The following SGPP1 variants were observed in gnomAD, a reference collection of about 807,000 sequenced individuals.
SGPP1 encodes hSPP1.
A neutral mutation model predicts 33.0 loss-of-function variants in SGPP1; 21 were observed. That is an observed-to-expected ratio of 0.64 (90% confidence interval 0.45 to 0.92). SGPP1 has a LOEUF of 0.92. Ranked by LOEUF, SGPP1 falls within the 40% of genes least tolerant of loss-of-function variation. The probability of loss-of-function intolerance (pLI) is 0.00; values close to 1 mark genes in which losing one functional copy is unlikely to be tolerated. For missense variants in SGPP1, 543 were observed against 589.4 expected, an observed-to-expected ratio of 0.92 and a Z score of 0.81; for synonymous variants, 239 against 241.2, an observed-to-expected ratio of 0.99 and a Z score of 0.08.
At chr14:63,710,271 T>C (rs188921153) in intron 1 of SGPP1, among the ~76,000 whole-genome samples, 6 of 152,348 alleles carry the variant, frequency 3.9e-5, no homozygotes, top group Admixed American at 3.9e-4. Context: ...GCTAGAATTC[T>C]ATACTAAGGA....
At position 63,727,895 on chromosome 14, in the gene SGPP1, G is replaced by T; in HGVS notation, c.50C>A (p.Pro17Gln). 1 of 1,534,580 alleles carries T rather than the reference G, an allele frequency of 6.5e-7. No individual in the cohort carries two copies. Among genetic ancestry groups the T allele is most frequent in the African/African-American group, 1.4e-5 (1 of 71,292 alleles). Residue 17 changes from proline to glutamine, a missense_variant, in exon 1 of 3, where the codon CCG becomes CAG. By Grantham distance (76) the Pro-to-Gln change is moderately conservative (BLOSUM62 -1). Transcript: ENST00000247225. ...CCGCTGGAAACGGGCCACTTTCTGC[G>T]GGTCCTGCAGACGGCCAACCAGCTG... ...LAQLVGRLQD[P>Q]QKVARFQRLC...
At chr14:63,715,600 A>C (rs1366854267) in intron 1 of SGPP1, among the ~76,000 whole-genome samples, 1 of 152,154 alleles carries the variant, frequency 6.6e-6, no homozygotes, top group East Asian at 1.9e-4. Flanking sequence ...TCCAGGCTGT[A>C]GCACAGGAGG....
intron 1 of SGPP1, among the ~76,000 whole-genome samples, chr14:63,705,152 A>G (rs1885382325): frequency 6.6e-6 from 1 of 150,716 alleles, no homozygotes; most frequent in Admixed American, 6.7e-5. Context: ...AAACAAAACA[A>G]AACACTCATG....
At chr14:63,719,480 T>C (rs908486506) in intron 1 of SGPP1, among the ~76,000 whole-genome samples, 1 of 152,040 alleles carries the variant, frequency 6.6e-6, no homozygotes, top group Non-Finnish European at 1.5e-5. Flanking sequence ...CTGTTAAAAT[T>C]TAAATGCCTA....
At chr14:63,714,955 T>A (rs1359365074) in intron 1 of SGPP1, among the ~76,000 whole-genome samples, 1 of 151,608 alleles carries the variant, frequency 6.6e-6, no homozygotes, top group African/African-American at 2.4e-5. Context: ...TATCCTGAGC[T>A]GAAGAGATCC....
chr14:63,715,333 G>A (rs1885601836), intron 1 of SGPP1, among the ~76,000 whole-genome samples: 1 of 152,088 alleles, frequency 6.6e-6, no homozygotes, highest in African/African-American at 2.4e-5. Flanking sequence ...TATGAATACA[G>A]TTCATCTGCT....
At chr14:63,688,315 CAAAAAAAAAAAAA>C (rs71120275) in intron 2 of SGPP1, among the ~76,000 whole-genome samples, 3 of 31,416 alleles carry the variant, frequency 9.5e-5, no homozygotes, top group South Asian at 1.1e-3. Context: ...GACTCTGTCT[CAAAAAAAAAAAAA>C]AAAAAAAAAA....
At chr14:63,697,239 C>T (rs1885205276) in intron 2 of SGPP1, among the ~76,000 whole-genome samples, 2 of 152,008 alleles carry the variant, frequency 1.3e-5, no homozygotes, top group Admixed American at 1.3e-4. Flanking sequence ...ACACTGCCTC[C>T]CAACAAAATA....
At position 63,685,792 on chromosome 14, in the gene SGPP1, G is replaced by A. The variant is rs1884959031; in HGVS notation, c.*313C>T. The A allele has an allele frequency of 6.7e-6, 1 of 148,888 alleles. No homozygotes were observed. Among genetic ancestry groups the A allele is most frequent in the South Asian group, 2.1e-4 (1 of 4,782 alleles). 9.2% of individuals were successfully genotyped at this position (148,888 alleles called of 1,614,324 possible). A position where few individuals can be genotyped will look rare whatever the true frequency, so the allele number is the denominator to read the frequency against. ...ATTATTTTATATATAATATATATCA[G>A]ATATATAATTGCATATTATGTACCT... On this transcript the variant is annotated 3_prime_UTR_variant, in exon 3 of 3. Transcript: ENST00000247225.
At chr14:63,697,607 A>G (rs899651333) in intron 2 of SGPP1, among the ~76,000 whole-genome samples, 3 of 152,218 alleles carry the variant, frequency 2.0e-5, no homozygotes, top group African/African-American at 7.2e-5. Context: ...CAGATAAGGA[A>G]AAAAGCAATT....
At chr14:63,704,952 C>A (rs540539858) in intron 1 of SGPP1, among the ~76,000 whole-genome samples, 23 of 151,998 alleles carry the variant, frequency 1.5e-4, no homozygotes, top group South Asian at 6.2e-4. Context: ...ATGGTGAGAC[C>A]CTGTCTCTAT....
Position 63,727,121 on chromosome 14 carries a change from C to A in SGPP1, c.684+140G>T, listed in dbSNP as rs8022011. On this transcript the variant is annotated intron_variant, in intron 1 of 2. Transcript: ENST00000247225. ...TTAATTTTTCAAAACCCAGAAAGGG[C>A]CTGTTTGCGAGTATTGTGAAAACCT... 3.6e-3 allele frequency: 4,915 copies of A among 1,355,538 alleles called. 140 individuals are homozygous for A. In the African/African-American group the frequency reaches 0.065, roughly 18 times the overall value. The allele number at this position is 1,355,538 out of a possible 1,614,324, so 84.0% of individuals were successfully genotyped here. A position where few individuals can be genotyped will look rare whatever the true frequency, so the allele number is the denominator to read the frequency against.
Position 63,698,636 on chromosome 14 carries a change from A to C in SGPP1, c.707T>G (p.Ile236Ser), listed in dbSNP as rs768539325. 1.0e-5 allele frequency: 16 copies of C among 1,601,816 alleles called. No individual in the cohort carries two copies. Among genetic ancestry groups the C allele is most frequent in the Non-Finnish European group, 1.4e-5 (16 of 1,172,916 alleles). The change falls in exon 2 of 3, where the codon ATT becomes AGT. Residue 236 changes from isoleucine to serine, a missense_variant. Physicochemically the swap from Ile to Ser is moderately radical, Grantham distance 142. Coordinates refer to ENST00000247225, the MANE Select transcript of SGPP1 (RefSeq NM_030791.4). ...TAGAGAACACCAGCAGGGAATAAGAATCAGTCCATATATAAGAGGGTACTA... is the reference window on the plus strand; with the variant it reads ...TAGAGAACACCAGCAGGGAATAAGACTCAGTCCATATATAAGAGGGTACTA... ...RWQYPLIYGL[I>S]LIPCWCSLVC...
rs1045989770 is a variant in SGPP1 at position 63,690,965 on chromosome 14, T to A, written c.775-4309A>T. 1.3e-5 allele frequency among the ~76,000 whole-genome samples: 2 copies of A among 152,224 alleles called. 1 individual carries two copies. Among genetic ancestry groups the A allele is most frequent in the Non-Finnish European group, 2.9e-5 (2 of 68,042 alleles). On this transcript the variant is annotated intron_variant, in intron 2 of 2. Coordinates refer to ENST00000247225, the MANE Select transcript of SGPP1 (RefSeq NM_030791.4). ...CCTGACCTCAGGTAATCTGTCCACC[T>A]TGGCCTCCCAAAGTGCTGGGGTTAC... is the stretch of plus-strand genomic sequence containing the variant.
At chr14:63,720,074 A>G (rs1885737602) in intron 1 of SGPP1, among the ~76,000 whole-genome samples, 1 of 150,818 alleles carries the variant, frequency 6.6e-6, no homozygotes, top group Non-Finnish European at 1.5e-5. Flanking sequence ...TGCAGTGAGC[A>G]AAGATGGCAC....
chr14:63,703,657 A>AG (rs1885347141), intron 1 of SGPP1, among the ~76,000 whole-genome samples: 2 of 119,152 alleles, frequency 1.7e-5, no homozygotes, highest in African/African-American at 7.5e-5. Context: ...CTCCATCTCA[A>AG]AAAAAAAAAA....
chr14:63,719,015 T>TATATATATATATATATC (rs1491285317), intron 1 of SGPP1, among the ~76,000 whole-genome samples: 1 of 15,588 alleles, frequency 6.4e-5, no homozygotes, highest in Non-Finnish European at 1.0e-4. Flanking sequence ...TATATATATA[T>TATATATATATATATATC]TTTTTTTTTT....
intron 1 of SGPP1, among the ~76,000 whole-genome samples, chr14:63,724,536 A>C (rs1234365444): frequency 2.0e-4 from 31 of 151,388 alleles, no homozygotes; most frequent in Admixed American, 1.6e-3. Flanking sequence ...ATGCAGTACA[A>C]TACTAATTCA....
At chr14:63,716,839 G>A (rs183221245) in intron 1 of SGPP1, among the ~76,000 whole-genome samples, 1 of 151,758 alleles carries the variant, frequency 6.6e-6, no homozygotes, top group Non-Finnish European at 1.5e-5. Flanking sequence ...GATTACAGGC[G>A]CCCACCAACA....
Sources: gnomAD v4.1 joint callset for allele counts (sites outside exome capture counted in the v4.1 genomes callset) on GRCh38, gnomAD v4.1.1 for gene constraint, MANE v1.5 for transcripts, NCBI Gene and HGNC (gene_info 2026-07-23, HGNC 2026-07-21) for gene names.